The following DEUP1 variants were observed in gnomAD, a reference collection of about 807,000 sequenced individuals.
The protein encoded by DEUP1 is deuterosome assembly protein 1, also known as coiled-coil domain containing 67.
Under a neutral mutation model 87.4 loss-of-function variants are expected in DEUP1, and 82 were observed. The ratio of observed to expected loss-of-function variants is 0.94; its 90% CI spans 0.78 to 1.13. The LOEUF is 1.13. Ranked by LOEUF, DEUP1 falls within the 50% of genes most tolerant of loss-of-function variation. The pLI, the probability that DEUP1 is intolerant of heterozygous loss-of-function variation, is 0.00. For synonymous variants in DEUP1, 214 were observed against 222.7 expected, an observed-to-expected ratio of 0.96 and a Z score of 0.35; for missense variants, 663 against 681.5, an observed-to-expected ratio of 0.97 and a Z score of 0.30.
intron 5 of DEUP1, among the ~76,000 whole-genome samples, chr11:93,368,233 A>G (rs1375121623): frequency 6.6e-6 from 1 of 152,228 alleles, no homozygotes; most frequent in Non-Finnish European, 1.5e-5. Context: ...CAAGGGGCAA[A>G]GTCACTGTCT....
At chr11:93,385,662 T>A in intron 8 of DEUP1, 119 bp downstream of exon 8, 1 of 637,884 alleles carries the variant, frequency 1.6e-6, no homozygotes, top group Non-Finnish European at 2.4e-6. Context: ...ACATGTTAAT[T>A]AGTGGGTAAT....
intron 2 of DEUP1, among the ~76,000 whole-genome samples, chr11:93,345,946 A>T (rs1482814772): frequency 1.3e-5 from 2 of 152,106 alleles, no homozygotes; most frequent in African/African-American, 4.8e-5. Context: ...TATGTCTAGA[A>T]TAGTGATGCC....
At chr11:93,417,228 G>A (rs10831036) in intron 13 of DEUP1, among the ~76,000 whole-genome samples, 120,141 of 144,628 alleles carry the variant, frequency 0.83, 50,000 homozygotes, top group East Asian at 0.91. Flanking sequence ...TAGGAAAAGA[G>A]GAAGTCAAAT....
intron 12 of DEUP1, among the ~76,000 whole-genome samples, chr11:93,410,503 T>A (rs1947404562): frequency 6.6e-6 from 1 of 152,170 alleles, no homozygotes; most frequent in African/African-American, 2.4e-5. Flanking sequence ...TTGGTCAAAT[T>A]ATGACTCCCA....
intron 2 of DEUP1, among the ~76,000 whole-genome samples, chr11:93,351,277 T>C (rs1258249760): frequency 1.3e-5 from 2 of 152,088 alleles, no homozygotes; most frequent in Non-Finnish European, 2.9e-5. Flanking sequence ...GATTACATTA[T>C]GTCCAGACTC....
intron 2 of DEUP1, among the ~76,000 whole-genome samples, chr11:93,339,813 C>G (rs970910116): frequency 2.6e-5 from 4 of 152,180 alleles, no homozygotes; most frequent in African/African-American, 9.7e-5. Context: ...TACTAGGGGC[C>G]TGAACTGTCA....
intron 13 of DEUP1, among the ~76,000 whole-genome samples, chr11:93,428,498 T>G (rs1247622884): frequency 1.3e-5 from 2 of 151,996 alleles, no homozygotes; most frequent in Non-Finnish European, 2.9e-5. Flanking sequence ...TAATGCTAAA[T>G]GACGAGTTAA....
chr11:93,410,988 G>A (rs1947420624), intron 12 of DEUP1: 1 of 152,178 alleles, frequency 6.6e-6, no homozygotes, highest in Non-Finnish European at 1.5e-5. Flanking sequence ...TCTGATTTCA[G>A]TGTTTTCCAG....
At chr11:93,429,159 A>G (rs1178917781) in intron 13 of DEUP1, among the ~76,000 whole-genome samples, 1 of 152,186 alleles carries the variant, frequency 6.6e-6, no homozygotes, top group East Asian at 1.9e-4. Flanking sequence ...TTGTAATAGT[A>G]GAGACTAGAA....
chr11:93,397,701 G>A (rs891097177), intron 11 of DEUP1, among the ~76,000 whole-genome samples: 2 of 152,020 alleles, frequency 1.3e-5, no homozygotes, highest in Admixed American at 6.6e-5. Flanking sequence ...CAGTGCTAAC[G>A]AATTAGTGTT....
At chr11:93,379,072 G>A (rs116818927) in intron 7 of DEUP1, among the ~76,000 whole-genome samples, 1 of 152,124 alleles carries the variant, frequency 6.6e-6, no homozygotes, top group Non-Finnish European at 1.5e-5. Context: ...TATCAAGTCT[G>A]GTTCTACCCT....
chr11:93,336,426 A>G (rs914136369), intron 2 of DEUP1, among the ~76,000 whole-genome samples: 1 of 152,190 alleles, frequency 6.6e-6, no homozygotes, highest in Non-Finnish European at 1.5e-5. Flanking sequence ...GCTTATTGAC[A>G]GTGGTCTTTA....
At chr11:93,430,740 A>C (rs1344086263) in intron 13 of DEUP1, among the ~76,000 whole-genome samples, 1 of 152,202 alleles carries the variant, frequency 6.6e-6, no homozygotes, top group East Asian at 1.9e-4. Flanking sequence ...ATTGTATGTG[A>C]ATTTTATCTC....
At chr11:93,393,403 A>G (rs920378810) in intron 9 of DEUP1, among the ~76,000 whole-genome samples, 1 of 151,588 alleles carries the variant, frequency 6.6e-6, no homozygotes, top group East Asian at 1.9e-4. Context: ...GCATGATCTC[A>G]GCCCACTATA....
intron 3 of DEUP1, among the ~76,000 whole-genome samples, chr11:93,356,026 G>A (rs1944878618): frequency 6.6e-6 from 1 of 152,156 alleles, no homozygotes; most frequent in African/African-American, 2.4e-5. Context: ...CTTAAGAGGA[G>A]TTCCCTTAGT....
intron 11 of DEUP1, among the ~76,000 whole-genome samples, chr11:93,398,721 A>AT (rs34737091): frequency 0.016 from 2,261 of 138,044 alleles, 23 homozygotes; most frequent in East Asian, 0.061. Context: ...TTCATGTCAA[A>AT]TTTTTTTTTT....
At chr11:93,376,776 G>C (rs1457590982) in intron 7 of DEUP1, among the ~76,000 whole-genome samples, 2 of 152,050 alleles carry the variant, frequency 1.3e-5, no homozygotes, top group Non-Finnish European at 2.9e-5. Context: ...TTTCCTCTTA[G>C]TACTGCTTTT....
chr11:93,332,257 G>T lies in DEUP1; in HGVS notation c.-3G>T. The T allele has an allele frequency of 6.2e-7, 1 of 1,607,712 alleles. No individual in the cohort carries two copies. The highest frequency in any genetic ancestry group is 1.1e-5 in the South Asian group (1 of 89,436). On this transcript the variant is annotated 5_prime_UTR_variant, in exon 2 of 14. Transcript: ENST00000298050. The stretch of plus-strand genomic sequence containing the variant: ...TATAAACCAGATGTAGCAGTTTCTT[G>T]ACATGGAGAACCAAGCCCATAATAC...
intron 2 of DEUP1, among the ~76,000 whole-genome samples, chr11:93,336,636 A>G (rs12807762): frequency 0.33 from 50,046 of 151,834 alleles, 8,657 homozygotes; most frequent in Non-Finnish European, 0.4. Flanking sequence ...TTTCCAGTAC[A>G]GTGGTCCTGC....
Sources: allele counts gnomAD v4.1 joint callset (sites outside exome capture counted in the v4.1 genomes callset), GRCh38; gene constraint gnomAD v4.1.1; transcripts MANE v1.5; gene names NCBI Gene and HGNC (gene_info 2026-07-23, HGNC 2026-07-21).